The following ABLIM2 variants were observed in gnomAD, a reference collection of about 807,000 sequenced individuals.
ABLIM2 encodes the protein actin-binding LIM protein 2.
ABLIM2 carries 53 observed loss-of-function variants against 97.7 expected under a neutral mutation model. The ratio of observed to expected loss-of-function variants is 0.54; its 90% CI spans 0.44 to 0.68. The LOEUF is 0.68. Among genes scored for constraint, ABLIM2 ranks in the 30% least tolerant of loss-of-function variants. The pLI is 0.00. For missense variants in ABLIM2, 835 were observed against 867.2 expected, an observed-to-expected ratio of 0.96 and a Z score of 0.47; for synonymous variants, 361 against 345.8, an observed-to-expected ratio of 1.04 and a Z score of -0.49.
At chr4:8,153,784 G>C (rs1016700865) in intron 1 of ABLIM2, among the ~76,000 whole-genome samples, 1 of 152,126 alleles carries the variant, frequency 6.6e-6, no homozygotes, top group Non-Finnish European at 1.5e-5. Flanking sequence ...AGAAAACTTG[G>C]AAAACACATG....
Position 8,080,451 on chromosome 4 carries a change from G to A in ABLIM2, c.581+225C>T, listed in dbSNP as rs1005783642. ...AAAGGAGCCGGATGCTGCAAATGCC[G>A]TTAGAGAAGCCAGGGCTGGCCAGGG... is the stretch of plus-strand genomic sequence containing the variant. On this transcript the variant is annotated intron_variant, in intron 5 of 20. Coordinates refer to ENST00000447017, the MANE Select transcript of ABLIM2 (RefSeq NM_001130083.2). Among the ~76,000 whole-genome samples the A allele has an allele frequency of 1.2e-4, 18 of 152,216 alleles. 1 individual carries two copies. The East Asian group carries it at 1.3e-3, about 11-fold the overall frequency.
chr4:8,057,745 G>A (rs920760101), intron 7 of ABLIM2, among the ~76,000 whole-genome samples: 1 of 152,222 alleles, frequency 6.6e-6, no homozygotes, highest in Non-Finnish European at 1.5e-5. Flanking sequence ...GTGGCATTGC[G>A]GGGGTTGGCC....
intron 6 of ABLIM2, among the ~76,000 whole-genome samples, chr4:8,064,951 A>G (rs1200111064): frequency 2.0e-5 from 3 of 152,210 alleles, no homozygotes; most frequent in Non-Finnish European, 2.9e-5. Flanking sequence ...CGATTAGAAG[A>G]AAACATGCTG....
At chr4:8,114,393 C>G (rs1041327511) in intron 1 of ABLIM2, among the ~76,000 whole-genome samples, 24 of 152,308 alleles carry the variant, frequency 1.6e-4, no homozygotes, top group African/African-American at 5.8e-4. Flanking sequence ...TGGATCCTGC[C>G]ACACTGTCTT....
At chr4:8,013,770 G>C (rs1339247015) in intron 14 of ABLIM2, among the ~76,000 whole-genome samples, 2 of 152,188 alleles carry the variant, frequency 1.3e-5, no homozygotes, top group African/African-American at 4.8e-5. Flanking sequence ...ACTTTCCCAC[G>C]GAGCAGCTGA....
At position 7,970,104 on chromosome 4, in the gene ABLIM2, T is replaced by C. The variant is rs1283894123; in HGVS notation, c.1825-3001A>G. Among the ~76,000 whole-genome samples the C allele has an allele frequency of 2.0e-5, 3 of 152,334 alleles. No homozygotes were observed. The East Asian group carries it at 5.8e-4, about 29-fold the overall frequency. ...GAAAAAGGAAAATCATTTCTAGCTT[T>C]ATCCAAGACCTGGTGATACCAGACC... is the stretch of plus-strand genomic sequence containing the variant. On this transcript the variant is annotated intron_variant, in intron 20 of 20. Coordinates refer to ENST00000447017, the MANE Select transcript of ABLIM2 (RefSeq NM_001130083.2). The surrounding 1 kb of genome is among the most constrained non-coding windows in gnomAD (Gnocchi z 5.3).
At position 8,088,250 on chromosome 4, in the gene ABLIM2, T is replaced by G; in HGVS notation, c.373A>C (p.Asn125His). 6.2e-7 allele frequency: 1 copy of G among 1,612,676 alleles called. No homozygotes were observed. Among genetic ancestry groups the G allele is most frequent in the Non-Finnish European group, 8.5e-7 (1 of 1,179,534 alleles). ...PFPPGDRVTF[N>H]GKECMCQKCS... ...TTCTGGCACATGCATTCCTTCCCGT[T>G]GAAGGTCACTCGGTCCCCGGGGGGG... The change falls in exon 4 of 21, where the codon AAC (asparagine) becomes CAC (histidine). Residue 125 changes from asparagine to histidine, a missense_variant. Coordinates refer to ENST00000447017, the MANE Select transcript of ABLIM2 (RefSeq NM_001130083.2).
rs1312051728 is a variant in ABLIM2, at chr4:8,122,953, G to A, written c.11-16316C>T. On this transcript the variant is annotated intron_variant, in intron 1 of 20. Coordinates refer to ENST00000447017, the MANE Select transcript of ABLIM2 (RefSeq NM_001130083.2). This position sits in a 1 kb window ranked among gnomAD's most constrained non-coding sequence, Gnocchi z 4.1. ...GCCCTAGGGGTGGCAAATCTGTCTG[G>A]GACCTGACCAGTGTGGGACGTCTTC... is the stretch of plus-strand genomic sequence containing the variant. Among the ~76,000 whole-genome samples, 1 of 152,118 alleles carries A rather than the reference G, an allele frequency of 6.6e-6. No homozygotes were observed. Among genetic ancestry groups the A allele is most frequent in the African/African-American group, 2.4e-5 (1 of 41,422 alleles).
In ABLIM2 at chr4:8,013,994, T is replaced by C. The variant is rs747241776; in HGVS notation, c.1424-4892A>G. ...CTAACCTCCAAGGATCTCTTGCCCA[T>C]GTCCAGGGGGCCAGCAGAGGTGTGG... is the stretch of plus-strand genomic sequence containing the variant. On this transcript the variant is annotated intron_variant, in intron 14 of 20. Coordinates refer to ENST00000447017, the MANE Select transcript of ABLIM2 (RefSeq NM_001130083.2). 7.9e-5 allele frequency among the ~76,000 whole-genome samples: 12 copies of C among 152,316 alleles called. 1 individual carries two copies. The highest frequency in any genetic ancestry group is 8.8e-5 in the Non-Finnish European group (6 of 68,020).
chr4:8,028,871 T>C (rs1779105279), intron 11 of ABLIM2, among the ~76,000 whole-genome samples: 2 of 152,262 alleles, frequency 1.3e-5, no homozygotes, highest in African/African-American at 4.8e-5. Context: ...GAATGAGTTT[T>C]GATTTTTCCA....
In ABLIM2 at chr4:8,088,000, G is replaced by C. The variant is rs1268377066; in HGVS notation, c.454+169C>G. On this transcript the variant is annotated intron_variant, in intron 4 of 20. Coordinates refer to ENST00000447017, the MANE Select transcript of ABLIM2 (RefSeq NM_001130083.2). This position sits in a 1 kb window ranked among gnomAD's most constrained non-coding sequence, Gnocchi z 4.6. ...TCAGCACCCCCCCCACAACCAGCAAGCCCCCACTTAGCATGCCCTATACTC... is the reference window on the plus strand; with the variant it reads ...TCAGCACCCCCCCCACAACCAGCAACCCCCCACTTAGCATGCCCTATACTC... Among the ~76,000 whole-genome samples, 1 of 76,752 alleles carries C rather than the reference G, an allele frequency of 1.3e-5. No individual in the cohort carries two copies. Among genetic ancestry groups the C allele is most frequent in the East Asian group, 3.4e-4 (1 of 2,936 alleles). The allele number at this position is 76,752 out of a possible 152,430, so 50.4% of individuals were successfully genotyped here. A position where few individuals can be genotyped will look rare whatever the true frequency, so the allele number is the denominator to read the frequency against.
Position 8,058,419 on chromosome 4 carries a change from T to C in ABLIM2, c.763+2548A>G, listed in dbSNP as rs547104938. Among the ~76,000 whole-genome samples, 2 of 152,316 alleles carry C rather than the reference T, an allele frequency of 1.3e-5. No homozygotes were observed. Among genetic ancestry groups the C allele is most frequent in the African/African-American group, 2.4e-5 (1 of 41,574 alleles). ...CTGTGACAATGGCCGCATGAGGTCATTCAACAGCCCGCAGGCACCTGCACG... is the reference window on the plus strand; with the variant it reads ...CTGTGACAATGGCCGCATGAGGTCACTCAACAGCCCGCAGGCACCTGCACG... On this transcript the variant is annotated intron_variant, in intron 7 of 20. Coordinates refer to ENST00000447017, the MANE Select transcript of ABLIM2 (RefSeq NM_001130083.2). The surrounding 1 kb of genome is among the most constrained non-coding windows in gnomAD (Gnocchi z 4.2).
chr4:7,995,974 G>A (rs994356771), intron 16 of ABLIM2, among the ~76,000 whole-genome samples: 2 of 152,126 alleles, frequency 1.3e-5, no homozygotes, highest in Admixed American at 6.5e-5. Flanking sequence ...GGCAGCCCCA[G>A]GATGCCAGAC....
intron 17 of ABLIM2, among the ~76,000 whole-genome samples, chr4:7,985,464 T>C (rs769486684): frequency 2.0e-5 from 3 of 152,084 alleles, no homozygotes; most frequent in Non-Finnish European, 4.4e-5. Flanking sequence ...CTGTGCACGG[T>C]TGTGGAACTC....
intron 1 of ABLIM2, among the ~76,000 whole-genome samples, chr4:8,137,357 C>T (rs1026559352): frequency 2.0e-5 from 3 of 152,226 alleles, no homozygotes; most frequent in African/African-American, 7.2e-5. Context: ...GACAAGTGGA[C>T]AAGCCCATGC....
chr4:8,008,861 G>A (rs902168404), intron 15 of ABLIM2, among the ~76,000 whole-genome samples, 189 bp downstream of exon 15: 25 of 152,162 alleles, frequency 1.6e-4, no homozygotes, highest in Admixed American at 1.6e-3. Context: ...CCAGGACCTC[G>A]GTAGGAGACG....
chr4:8,131,689 G>A (rs113453973), intron 1 of ABLIM2, among the ~76,000 whole-genome samples: 26 of 96,222 alleles, frequency 2.7e-4, no homozygotes, highest in African/African-American at 8.3e-4. Context: ...ACAGCAGCCC[G>A]CATCCCCAGC....
intron 2 of ABLIM2, among the ~76,000 whole-genome samples, chr4:8,105,589 C>T (rs931503705): frequency 1.3e-5 from 2 of 152,214 alleles, no homozygotes; most frequent in East Asian, 3.9e-4. Flanking sequence ...CGTCAGCGCA[C>T]TAGGGTTCAT....
At chr4:7,997,237 A>C (rs550696407) in intron 16 of ABLIM2, among the ~76,000 whole-genome samples, 1 of 152,054 alleles carries the variant, frequency 6.6e-6, no homozygotes, top group South Asian at 2.1e-4. Context: ...ATGTCCAGCT[A>C]ACTTTTGTGT....
Sources: gnomAD v4.1 joint callset for allele counts (sites outside exome capture counted in the v4.1 genomes callset) on GRCh38, gnomAD v4.1.1 for gene constraint, Gnocchi (gnomAD v3.1) non-coding constraint, MANE v1.5 for transcripts, NCBI Gene and HGNC (gene_info 2026-07-23, HGNC 2026-07-21) for gene names.